The following BLK variants were observed in gnomAD, a reference collection of about 807,000 sequenced individuals.
The protein encoded by BLK is tyrosine-protein kinase Blk.
Under a neutral mutation model 61.8 loss-of-function variants are expected in BLK, and 64 were observed. The observed-to-expected ratio is 1.03, with a 90% CI of 0.85 to 1.27. The LOEUF (loss-of-function observed/expected upper bound fraction) is 1.27, where lower values mean the gene tolerates loss of function less well. Ranked by LOEUF, BLK falls within the 50% of genes most tolerant of loss-of-function variation. BLK has a pLI of 0.00. For missense variants in BLK, 853 were observed against 660.5 expected (o/e 1.29, Z -3.19); for synonymous variants, 351 against 272.0 (o/e 1.29, Z -2.86).
intron 1 of BLK, among the ~76,000 whole-genome samples, chr8:11,523,894 T>G (rs1799549084): frequency 6.6e-6 from 1 of 152,110 alleles, no homozygotes; most frequent in Non-Finnish European, 1.5e-5. Context: ...GAGAAATGGC[T>G]TCCTTCATCA....
chr8:11,514,243 C>G (rs940908673), intron 1 of BLK, among the ~76,000 whole-genome samples: 2 of 152,224 alleles, frequency 1.3e-5, no homozygotes, highest in Non-Finnish European at 2.9e-5. Context: ...AGCTGAAAGA[C>G]AGGACTCAGC....
At chr8:11,515,726 G>A (rs1400946246) in intron 1 of BLK, among the ~76,000 whole-genome samples, 1 of 152,170 alleles carries the variant, frequency 6.6e-6, no homozygotes. Flanking sequence ...CCACTGTAGT[G>A]CCTCATGTCA....
intron 1 of BLK, among the ~76,000 whole-genome samples, chr8:11,519,604 G>C (rs1047613779): frequency 6.6e-6 from 1 of 152,174 alleles, no homozygotes; most frequent in Non-Finnish European, 1.5e-5. Context: ...CTTATTTAGA[G>C]GACTTGTGCC....
intron 1 of BLK, among the ~76,000 whole-genome samples, chr8:11,506,107 C>T (rs753280253): frequency 2.0e-5 from 3 of 152,204 alleles, no homozygotes; most frequent in Non-Finnish European, 2.9e-5. Context: ...TCCTGGTTCC[C>T]CACCGCACAC....
At chr8:11,507,557 G>T (rs1476480961) in intron 1 of BLK, among the ~76,000 whole-genome samples, 1 of 152,242 alleles carries the variant, frequency 6.6e-6, no homozygotes, top group African/African-American at 2.4e-5. Context: ...CAGGAGCTTA[G>T]TGGACCCAGT....
At chr8:11,510,301 G>A (rs1351270439) in intron 1 of BLK, among the ~76,000 whole-genome samples, 3 of 152,080 alleles carry the variant, frequency 2.0e-5, no homozygotes, top group African/African-American at 4.8e-5. Flanking sequence ...GCTCCTTGAC[G>A]GCCATATTTG....
At position 11,555,025 on chromosome 8, in the gene BLK, G is replaced by A. The variant is rs575228638; in HGVS notation, c.619+136G>A. On this transcript the variant is annotated intron_variant, in intron 7 of 12. Transcript: ENST00000259089. The stretch of plus-strand genomic sequence containing the variant: ...TTATCCCAAAGTTAGGCCTAAGGAG[G>A]TAGCAACTCTGAGCACCGGGAATTG... 4.4e-5 allele frequency: 61 copies of A among 1,373,956 alleles called. No individual in the cohort carries two copies. In the African/African-American group the frequency reaches 8.0e-4, roughly 18 times the overall value. 85.1% of individuals were successfully genotyped at this position (1,373,956 alleles called of 1,614,324 possible).
intron 1 of BLK, among the ~76,000 whole-genome samples, chr8:11,539,154 C>A (rs74585012): frequency 0.013 from 2,012 of 152,020 alleles, 41 homozygotes; most frequent in African/African-American, 0.046. Context: ...CCACAGTAAA[C>A]AACTTGGTGT....
intron 1 of BLK, among the ~76,000 whole-genome samples, chr8:11,520,596 A>C (rs1423036267): frequency 2.0e-5 from 3 of 152,080 alleles, no homozygotes; most frequent in Admixed American, 2.0e-4. Context: ...TTGTAACCTA[A>C]AGAAAAAGGA....
At chr8:11,559,664 G>A (rs1263934912) in intron 10 of BLK, 4 of 443,340 alleles carry the variant, frequency 9.0e-6, no homozygotes, top group South Asian at 4.8e-5. Context: ...CAACCCCACA[G>A]GAACCCTGCA....
chr8:11,509,261 TCAGCTGATGC>T, intron 1 of BLK: 1 of 152,264 alleles, frequency 6.6e-6, no homozygotes, highest in East Asian at 1.9e-4. Context: ...GTTTCCAGCA[TCAGCTGATGC>T]CAGCAAGAAG....
chr8:11,564,255 G>A lies in BLK; in HGVS notation c.*147G>A, dbSNP rs544282480. On this transcript the variant is annotated 3_prime_UTR_variant, in exon 13 of 13. Coordinates refer to ENST00000259089, the MANE Select transcript of BLK (RefSeq NM_001715.3). ...AGTGGGCAGAGGCAGCTTCGCAGGG[G>A]GTCCCCGGACGGACTCCTTCACCGA... 8 of 1,003,774 alleles carry A rather than the reference G, an allele frequency of 8.0e-6. No individual in the cohort carries two copies. In the Admixed American group the frequency reaches 1.6e-4, roughly 20 times the overall value. 62.2% of individuals were successfully genotyped at this position (1,003,774 alleles called of 1,614,324 possible). A position where few individuals can be genotyped will look rare whatever the true frequency, so the allele number is the denominator to read the frequency against.
Position 11,526,902 on chromosome 8 carries a change from CTA to C in BLK, c.-1-16320_-1-16319del, listed in dbSNP as rs1799677421. On this transcript the variant is annotated intron_variant, in intron 1 of 12. Transcript: ENST00000259089. ...AATACATAGAGAAGGCCATCTGATA[CTA>C]TGTCATTAAAATTTGCCATTTGAGG... Among the ~76,000 whole-genome samples the C allele has an allele frequency of 4.6e-5, 7 of 152,242 alleles. No homozygotes were observed. In the South Asian group the frequency reaches 1.5e-3, roughly 32 times the overall value.
chr8:11,502,679 G>A (rs117340183), intron 1 of BLK, among the ~76,000 whole-genome samples: 379 of 152,236 alleles, frequency 2.5e-3, no homozygotes, highest in African/African-American at 7.2e-3. Context: ...CTAGCATACC[G>A]GCACAAGCTG....
At chr8:11,550,653 G>C (rs1585401102) in intron 6 of BLK, among the ~76,000 whole-genome samples, 1 of 152,264 alleles carries the variant, frequency 6.6e-6, no homozygotes, top group East Asian at 1.9e-4. Flanking sequence ...ATCTCAGCCA[G>C]AGGCTGCAGG....
At chr8:11,534,705 C>G (rs188460480) in intron 1 of BLK, among the ~76,000 whole-genome samples, 171 of 152,308 alleles carry the variant, frequency 1.1e-3, no homozygotes, top group African/African-American at 4.0e-3. Context: ...AATTTCTCCT[C>G]CTAACTGTGC....
intron 10 of BLK, chr8:11,560,983 C>T: frequency 1.8e-6 from 1 of 545,250 alleles, no homozygotes; most frequent in Non-Finnish European, 3.5e-6. Flanking sequence ...CTTCTCCCTC[C>T]CTCTCCTTTT....
rs539676104 is a variant in BLK at position 11,536,907 on chromosome 8, G to A, written c.-1-6317G>A. 3.9e-5 allele frequency among the ~76,000 whole-genome samples: 6 copies of A among 152,240 alleles called. No individual in the cohort carries two copies. In the South Asian group the frequency reaches 1.2e-3, roughly 32 times the overall value. The stretch of plus-strand genomic sequence containing the variant: ...TGCCCACTCTGAACTGATGGAATCG[G>A]GTGCATGCCTTTCCTCCTTATTTTC... On this transcript the variant is annotated intron_variant, in intron 1 of 12. Coordinates refer to ENST00000259089, the MANE Select transcript of BLK (RefSeq NM_001715.3).
intron 1 of BLK, among the ~76,000 whole-genome samples, chr8:11,499,896 C>G (rs1798492680): frequency 6.6e-6 from 1 of 152,070 alleles, no homozygotes; most frequent in Non-Finnish European, 1.5e-5. Context: ...GGTCTAATTT[C>G]TTTATCTGTT....
Sources: allele counts gnomAD v4.1 joint callset (sites outside exome capture counted in the v4.1 genomes callset), GRCh38; gene constraint gnomAD v4.1.1; transcripts MANE v1.5; gene names NCBI Gene and HGNC (gene_info 2026-07-23, HGNC 2026-07-21).